DPP10: variants seen among roughly 807,000 people sequenced by gnomAD.
DPP10 encodes inactive dipeptidyl peptidase 10.
A neutral mutation model predicts 120.9 loss-of-function variants in DPP10; 33 were observed. That is an observed-to-expected ratio of 0.27 (90% confidence interval 0.21 to 0.37). DPP10 has a LOEUF of 0.37. Ranked by LOEUF, DPP10 falls within the 10% of genes least tolerant of loss-of-function variation. The probability of loss-of-function intolerance (pLI) is 1.00; values close to 1 mark genes in which losing one functional copy is unlikely to be tolerated. For synonymous variants in DPP10, 337 were observed against 326.1 expected (o/e 1.03, Z -0.36); for missense variants, 816 against 942.8 (o/e 0.87, Z 1.76).
intron 1 of DPP10, among the ~76,000 whole-genome samples, chr2:115,305,451 G>A (rs1416210483): frequency 6.6e-6 from 1 of 152,112 alleles, no homozygotes; most frequent in Non-Finnish European, 1.5e-5. Flanking sequence ...AATTGTCTAA[G>A]GCTGGGTGTA....
intron 3 of DPP10, among the ~76,000 whole-genome samples, chr2:115,399,490 C>T (rs1350390447): frequency 1.3e-5 from 2 of 151,980 alleles, no homozygotes; most frequent in Non-Finnish European, 2.9e-5. Flanking sequence ...GATTTGCAGC[C>T]CAAATAATCT....
chr2:115,033,697 C>T (rs867716625), intron 1 of DPP10, among the ~76,000 whole-genome samples: 4,994 of 137,962 alleles, frequency 0.036, 122 homozygotes, highest in Non-Finnish European at 0.051. Context: ...ATCTTCCCTC[C>T]TTTTTTTTTT....
At chr2:114,844,214 C>T (rs1049973577) in intron 1 of DPP10, among the ~76,000 whole-genome samples, 1 of 152,076 alleles carries the variant, frequency 6.6e-6, no homozygotes, top group Non-Finnish European at 1.5e-5. Context: ...GCACAATAAT[C>T]TTTGTGCAGT....
chr2:115,684,739 A>G (rs1460499204), intron 5 of DPP10, among the ~76,000 whole-genome samples: 1 of 151,932 alleles, frequency 6.6e-6, no homozygotes, highest in African/African-American at 2.4e-5. Context: ...CTTGACACGA[A>G]TCCCCATAGG....
intron 1 of DPP10, among the ~76,000 whole-genome samples, chr2:115,246,689 C>G (rs930126956): frequency 2.6e-5 from 4 of 152,088 alleles, no homozygotes; most frequent in Non-Finnish European, 5.9e-5. Flanking sequence ...GGGACACACA[C>G]AGATGTTGTT....
At chr2:115,172,428 T>C (rs552262462) in intron 1 of DPP10, among the ~76,000 whole-genome samples, 1 of 152,190 alleles carries the variant, frequency 6.6e-6, no homozygotes, top group Admixed American at 6.5e-5. Flanking sequence ...TATTTGTATT[T>C]CCAGACAGAG....
In DPP10 at chr2:115,016,132, G is replaced by A. The variant is rs542820534; in HGVS notation, c.61-293107G>A. On this transcript the variant is annotated intron_variant, in intron 1 of 25. Transcript: ENST00000410059. ...AGGCTAAAGTAACCAAAACAGCATGGGATTGGTACCAAAACAGATATATAG... is the reference window on the plus strand; with the variant it reads ...AGGCTAAAGTAACCAAAACAGCATGAGATTGGTACCAAAACAGATATATAG... 5.3e-5 allele frequency among the ~76,000 whole-genome samples: 8 copies of A among 152,178 alleles called. No individual in the cohort carries two copies. The South Asian group carries it at 1.7e-3, about 32-fold the overall frequency.
intron 1 of DPP10, among the ~76,000 whole-genome samples, chr2:115,138,750 C>G (rs951109791): frequency 3.3e-5 from 5 of 152,036 alleles, no homozygotes; most frequent in Admixed American, 6.6e-5. Context: ...CATTTTGAAA[C>G]ATTATATATT....
intron 1 of DPP10, among the ~76,000 whole-genome samples, chr2:114,514,059 C>T (rs1684392843): frequency 6.6e-6 from 1 of 152,172 alleles, no homozygotes; most frequent in African/African-American, 2.4e-5. Context: ...CCTTCTCTTT[C>T]TCCAAGGTTA....
intron 1 of DPP10, among the ~76,000 whole-genome samples, chr2:114,826,616 C>T (rs939601286): frequency 6.6e-6 from 1 of 152,140 alleles, no homozygotes; most frequent in African/African-American, 2.4e-5. Context: ...CTGCAACCTC[C>T]GCCTCCCAGG....
At chr2:114,500,497 T>A (rs1683059584) in intron 1 of DPP10, among the ~76,000 whole-genome samples, 1 of 152,248 alleles carries the variant, frequency 6.6e-6, no homozygotes, top group Admixed American at 6.5e-5. Flanking sequence ...AAGTGTTAGA[T>A]CAGATTAGCC....
At chr2:114,923,523 G>A (rs1265670491) in intron 1 of DPP10, among the ~76,000 whole-genome samples, 2 of 122,136 alleles carry the variant, frequency 1.6e-5, no homozygotes, top group African/African-American at 6.5e-5. Flanking sequence ...CTGTCGCCCA[G>A]GCTAGAGTGC....
chr2:114,602,687 C>T (rs928748107), intron 1 of DPP10, among the ~76,000 whole-genome samples: 23 of 152,114 alleles, frequency 1.5e-4, no homozygotes, highest in African/African-American at 5.5e-4. Flanking sequence ...CACTTTTACA[C>T]ACATAAGGGA....
intron 6 of DPP10, 26 bp from the exon 7 acceptor site, chr2:115,689,814 T>C: frequency 6.2e-7 from 1 of 1,612,100 alleles, no homozygotes; most frequent in Non-Finnish European, 8.5e-7. Flanking sequence ...AGTTTGTTCA[T>C]GTAAAAATAT....
rs989805612 is a variant in DPP10 at position 115,521,262 on chromosome 2, G to A, written c.367-4636G>A. On this transcript the variant is annotated intron_variant, in intron 4 of 25. Transcript: ENST00000410059. ...CACCCGGTAGAGCATGTCATTTGGG[G>A]AACTTGTTCCTTTTCTTTAGAGGGC... is the stretch of plus-strand genomic sequence containing the variant. 5.1e-4 allele frequency among the ~76,000 whole-genome samples: 77 copies of A among 152,240 alleles called. 1 individual carries two copies. The highest frequency in any genetic ancestry group is 1.8e-3 in the African/African-American group (75 of 41,556).
chr2:114,936,432 TACAC>T (rs1430411385), intron 1 of DPP10, among the ~76,000 whole-genome samples: 2 of 151,814 alleles, frequency 1.3e-5, no homozygotes, highest in African/African-American at 4.8e-5. Flanking sequence ...TGCGTATATA[TACAC>T]ATATATACGC....
intron 7 of DPP10, among the ~76,000 whole-genome samples, chr2:115,727,008 T>C (rs533060525): frequency 7.0e-5 from 10 of 142,670 alleles, no homozygotes; most frequent in African/African-American, 2.3e-4. Flanking sequence ...TAGTACCACA[T>C]TGGTCAGCAG....
chr2:115,156,977 A>G (rs1478334100), intron 1 of DPP10, among the ~76,000 whole-genome samples: 1 of 152,148 alleles, frequency 6.6e-6, no homozygotes, highest in Non-Finnish European at 1.5e-5. Context: ...GTGCCGACAT[A>G]ACCAATTCAT....
At chr2:115,047,888 C>T (rs1173521359) in intron 1 of DPP10, among the ~76,000 whole-genome samples, 1 of 152,064 alleles carries the variant, frequency 6.6e-6, no homozygotes, top group Non-Finnish European at 1.5e-5. Context: ...TTCTATCTCT[C>T]TATCCCTCAG....
Sources: allele counts gnomAD v4.1 joint callset (sites outside exome capture counted in the v4.1 genomes callset), GRCh38; gene constraint gnomAD v4.1.1; transcripts MANE v1.5; gene names NCBI Gene and HGNC (gene_info 2026-07-23, HGNC 2026-07-21).